Variants in MCF2L observed in about 807,000 individuals in gnomAD.
MCF2L encodes the protein guanine nucleotide exchange factor DBS.
MCF2L carries 97 observed loss-of-function variants against 153.4 expected under a neutral mutation model. That is an observed-to-expected ratio of 0.63 (90% CI 0.54 to 0.75). MCF2L has a LOEUF of 0.75. Ranked by LOEUF, MCF2L falls within the 30% of genes least tolerant of loss-of-function variation. The probability of loss-of-function intolerance (pLI) is 0.00; values close to 1 mark genes in which losing one functional copy is unlikely to be tolerated. For missense variants in MCF2L, 1,347 were observed against 1,495.2 expected, an observed-to-expected ratio of 0.90 and a Z score of 1.64; for synonymous variants, 659 against 632.2, an observed-to-expected ratio of 1.04 and a Z score of -0.64.
intron 1 of MCF2L, among the ~76,000 whole-genome samples, chr13:112,898,615 C>T (rs1173081050): frequency 1.3e-5 from 2 of 152,144 alleles, no homozygotes; most frequent in Non-Finnish European, 2.9e-5. Context: ...GTACTCCCAC[C>T]CCTGGGACCG....
At chr13:113,084,477 T>G in intron 18 of MCF2L, 1 of 318,562 alleles carries the variant, frequency 3.1e-6, no homozygotes, top group Admixed American at 4.6e-5. Flanking sequence ...CCAGGAGCAA[T>G]TGCACTTCAC....
At position 112,969,239 on chromosome 13, in the gene MCF2L, C is replaced by A. The variant is rs1464779322; in HGVS notation, c.-141C>A. The A allele has an allele frequency of 7.4e-7, 1 of 1,353,944 alleles. No homozygotes were observed. The highest frequency in any genetic ancestry group is 9.6e-7 in the Non-Finnish European group (1 of 1,045,020). The allele number at this position is 1,353,944 out of a possible 1,614,324, so 83.9% of individuals were successfully genotyped here. ...GCGGAACCAATCCTGGGCAGGGAGG[C>A]GGCGGCTGGAGGCTGAAAGCGCTGC... On this transcript the variant is annotated 5_prime_UTR_variant, in exon 1 of 30. Coordinates refer to ENST00000535094, the MANE Select transcript of MCF2L (RefSeq NM_001112732.3). This position sits in a 1 kb window ranked among gnomAD's most constrained non-coding sequence, Gnocchi z 4.8.
intron 1 of MCF2L, chr13:112,894,577 G>C (rs1021185939): frequency 6.6e-6 from 1 of 152,130 alleles, no homozygotes; most frequent in Non-Finnish European, 1.5e-5. Flanking sequence ...CAGGCGCTGG[G>C]ACCCGGCTCG....
rs149828036 is a variant in MCF2L, at chr13:113,065,154, G to A, written c.756+69G>A. On this transcript the variant is annotated intron_variant, in intron 7 of 29. Coordinates refer to ENST00000535094, the MANE Select transcript of MCF2L (RefSeq NM_001112732.3). Reference sequence around the variant, plus strand: ...TCAGTCAGAAGCTGCGCGGGGCTCCGGTCGGAAGCTGCGGGGGGTCTTTCG... The same window carrying A: ...TCAGTCAGAAGCTGCGCGGGGCTCCAGTCGGAAGCTGCGGGGGGTCTTTCG... The A allele has an allele frequency of 1.6e-3, 2,593 of 1,578,364 alleles. 2 individuals carry two copies. The highest frequency in any genetic ancestry group is 2.0e-3 in the Non-Finnish European group (2,306 of 1,155,570).
chr13:112,955,755 T>C (rs960132304), intron 2 of MCF2L, among the ~76,000 whole-genome samples: 1 of 152,200 alleles, frequency 6.6e-6, no homozygotes, highest in Non-Finnish European at 1.5e-5. Flanking sequence ...ATGTGGAAGC[T>C]AAGACCGAGG....
At chr13:113,033,789 G>A (rs937711810) in intron 3 of MCF2L, 1 of 165,452 alleles carries the variant, frequency 6.0e-6, no homozygotes, top group African/African-American at 2.4e-5. Flanking sequence ...GGAGGAACCA[G>A]GAGACATCAC....
In MCF2L at chr13:113,012,126, G is replaced by A. The variant is rs1279875162; in HGVS notation, c.80-2637G>A. 2.6e-4 allele frequency among the ~76,000 whole-genome samples: 29 copies of A among 109,578 alleles called. 3 individuals carry two copies. The highest frequency in any genetic ancestry group is 5.0e-4 in the Non-Finnish European group (25 of 49,706). The allele number at this position is 109,578 out of a possible 152,430, so 71.9% of individuals were successfully genotyped here. On this transcript the variant is annotated intron_variant, in intron 1 of 29. Coordinates refer to ENST00000535094, the MANE Select transcript of MCF2L (RefSeq NM_001112732.3). ...TGGATGGTGGACAGGTGGTGTGGAC[G>A]GTGGACAGGCAGTGTGGACGGTGGA... is the stretch of plus-strand genomic sequence containing the variant.
intron 1 of MCF2L, chr13:112,979,330 G>A: frequency 8.1e-7 from 1 of 1,235,630 alleles, no homozygotes; most frequent in East Asian, 4.6e-5. Flanking sequence ...CACACAGCAG[G>A]CAGGCCCAGC....
chr13:112,923,106 C>T (rs1313192170), intron 2 of MCF2L, among the ~76,000 whole-genome samples: 3 of 152,132 alleles, frequency 2.0e-5, no homozygotes, highest in East Asian at 1.9e-4. Flanking sequence ...GTATATAAGA[C>T]ACTCAGATTC....
At chr13:112,987,315 T>C (rs955108748) in intron 1 of MCF2L, among the ~76,000 whole-genome samples, 1 of 7,200 alleles carries the variant, frequency 1.4e-4, no homozygotes, top group African/African-American at 2.3e-4. Flanking sequence ...GGAGCACACC[T>C]TGTGGACGCA....
rs752261440 is a variant in MCF2L at position 113,096,790 on chromosome 13, G to A, written c.3309G>A (p.Ser1103=). 3 of 1,567,050 alleles carry A rather than the reference G, an allele frequency of 1.9e-6. No individual in the cohort carries two copies. Among genetic ancestry groups the A allele is most frequent in the South Asian group, 1.1e-5 (1 of 87,114 alleles). The change falls in exon 30 of 30, where the codon TCG becomes TCA. Residue 1103 remains serine (S), a synonymous_variant. Coordinates refer to ENST00000535094, the MANE Select transcript of MCF2L (RefSeq NM_001112732.3). ...TCCCCGCAGAGTCGAGCCCGGGGTC[G>A]GCCGTGCTGAGCAACTCGTCCAGCT... The part of the protein sequence containing the change: ...CLSSSESSPG[S]AVLSNSSSCS...
chr13:113,060,139 C>G (rs932989870), intron 4 of MCF2L, among the ~76,000 whole-genome samples: 20 of 152,204 alleles, frequency 1.3e-4, no homozygotes, highest in African/African-American at 4.6e-4. Flanking sequence ...AAGCACCGCC[C>G]CGGCCTCCAC....
Position 113,064,828 on chromosome 13 carries a change from C to T in MCF2L, c.607-108C>T. ...TCACCGTCTTTGCGTCAGCCGGTCT[C>T]ACCTGATGGGTCTGTGTGGGAACGG... On this transcript the variant is annotated intron_variant, in intron 6 of 29. Transcript: ENST00000535094. This position sits in a 1 kb window ranked among gnomAD's most constrained non-coding sequence, Gnocchi z 6.0. The T allele has an allele frequency of 7.7e-7, 1 of 1,305,702 alleles. No homozygotes were observed. The highest frequency in any genetic ancestry group is 1.1e-6 in the Non-Finnish European group (1 of 946,238). 80.9% of individuals were successfully genotyped at this position (1,305,702 alleles called of 1,614,324 possible).
rs746270038 is a variant in MCF2L at position 113,064,283 on chromosome 13, C to T, written c.490-21C>T. The T allele has an allele frequency of 6.2e-5, 95 of 1,540,582 alleles. No individual in the cohort carries two copies. The Middle Eastern group carries it at 6.7e-4, about 11-fold the overall frequency. ...CCAACAATAATCCCAAACACTACCA[C>T]GCATTCCCTTTCTCCTCCAGGTCAT... On this transcript the variant is annotated intron_variant, in intron 5 of 29. Coordinates refer to ENST00000535094, the MANE Select transcript of MCF2L (RefSeq NM_001112732.3). The surrounding 1 kb of genome is among the most constrained non-coding windows in gnomAD (Gnocchi z 6.0).
chr13:112,933,129 A>C (rs1401987333), intron 2 of MCF2L, among the ~76,000 whole-genome samples: 1 of 152,210 alleles, frequency 6.6e-6, no homozygotes, highest in East Asian at 1.9e-4. Flanking sequence ...TGCTGGGCCG[A>C]CAGCCTTCTG....
chr13:112,933,178 C>T (rs1036351861), intron 2 of MCF2L, among the ~76,000 whole-genome samples: 6 of 152,204 alleles, frequency 3.9e-5, no homozygotes, highest in African/African-American at 1.2e-4. Flanking sequence ...GCGCTGGCCC[C>T]GCAGGGGTTG....
chr13:112,971,378 A>G (rs1040911496), intron 1 of MCF2L, among the ~76,000 whole-genome samples: 2 of 152,174 alleles, frequency 1.3e-5, no homozygotes, highest in Non-Finnish European at 2.9e-5. Context: ...GATCCGTGCC[A>G]GGTAAAAGCT....
upstream of MCF2L, chr13:112,968,879 C>G: frequency 1.2e-6 from 1 of 800,944 alleles, no homozygotes; most frequent in Admixed American, 4.1e-5. Flanking sequence ...CAGGGGACCT[C>G]GGCGGTGACA....
chr13:113,067,172 G>A (rs2032505552), intron 8 of MCF2L, among the ~76,000 whole-genome samples: 1 of 152,254 alleles, frequency 6.6e-6, no homozygotes, highest in Admixed American at 6.5e-5. Context: ...TGGGCGTGGG[G>A]CTGACTGGGT....
Sources: allele counts gnomAD v4.1 joint callset (sites outside exome capture counted in the v4.1 genomes callset), GRCh38; gene constraint gnomAD v4.1.1; non-coding constraint Gnocchi (gnomAD v3.1); transcripts MANE v1.5; gene names NCBI Gene and HGNC (gene_info 2026-07-23, HGNC 2026-07-21).